Variants in LRRC28 observed in about 807,000 individuals in gnomAD.
The protein encoded by LRRC28 is leucine-rich repeat-containing protein 28.
LRRC28 carries 39 observed loss-of-function variants against 45.7 expected under a neutral mutation model. That is an observed-to-expected ratio of 0.85 (90% CI 0.66 to 1.12). The LOEUF is 1.12. LRRC28 is among the 50% of genes most tolerant of loss of function. LRRC28 has a pLI of 0.00. For missense variants in LRRC28, 435 were observed against 438.5 expected (o/e 0.99, Z 0.07); for synonymous variants, 206 against 178.8 (o/e 1.15, Z -1.22).
At position 99,255,913 on chromosome 15, in the gene LRRC28, G is replaced by C. The variant is rs761706102; in HGVS notation, c.-45G>C. ...CTCTTTATAGAAATGGACCAATTTT[G>C]ACAAGATATAGTGCTGCAGCGTGCC... On this transcript the variant is annotated 5_prime_UTR_variant, in exon 2 of 10. The change abolishes the stop of an existing upstream ORF in the 5' untranslated region. Coordinates refer to ENST00000301981, the MANE Select transcript of LRRC28 (RefSeq NM_144598.5). The C allele has an allele frequency of 9.8e-6, 15 of 1,534,484 alleles. No individual in the cohort carries two copies. The highest frequency in any genetic ancestry group is 1.2e-5 in the Non-Finnish European group (14 of 1,144,662).
intron 1 of LRRC28, among the ~76,000 whole-genome samples, chr15:99,253,533 G>T (rs954779114): frequency 6.6e-6 from 1 of 152,232 alleles, no homozygotes; most frequent in African/African-American, 2.4e-5. Flanking sequence ...GATTGGAAAA[G>T]CCCAGAAGCT....
chr15:99,258,557 G>T (rs1198344463), intron 2 of LRRC28: 1 of 736,814 alleles, frequency 1.4e-6, no homozygotes, highest in Non-Finnish European at 2.5e-6. Context: ...CTGCAGTAGA[G>T]GAAGAAGAAG....
chr15:99,329,061 C>A (rs1229103443), intron 5 of LRRC28, among the ~76,000 whole-genome samples: 1 of 152,080 alleles, frequency 6.6e-6, no homozygotes, highest in Non-Finnish European at 1.5e-5. Context: ...AACTCTAATA[C>A]AGATTTGGTA....
intron 5 of LRRC28, among the ~76,000 whole-genome samples, chr15:99,295,543 C>T (rs574076036): frequency 3.3e-5 from 5 of 152,252 alleles, no homozygotes; most frequent in East Asian, 1.9e-4. Flanking sequence ...CTTTAATACT[C>T]GAGAAATCTG....
At chr15:99,266,382 C>T (rs535599194) in intron 2 of LRRC28, among the ~76,000 whole-genome samples, 30 of 152,082 alleles carry the variant, frequency 2.0e-4, no homozygotes, top group Admixed American at 6.5e-4. Flanking sequence ...AGCCAGGCAT[C>T]GAGGCATACC....
chr15:99,299,130 T>C (rs1462758893), intron 5 of LRRC28, among the ~76,000 whole-genome samples: 1 of 152,260 alleles, frequency 6.6e-6, no homozygotes. Context: ...TGAAGAACTT[T>C]CAATTATTAA....
At chr15:99,380,901 G>A (rs939216894) in intron 9 of LRRC28, among the ~76,000 whole-genome samples, 9 of 152,118 alleles carry the variant, frequency 5.9e-5, no homozygotes, top group African/African-American at 1.7e-4. Context: ...GCTGAGATCC[G>A]CTGTTCGTCT....
intron 5 of LRRC28, among the ~76,000 whole-genome samples, chr15:99,329,043 CTT>C (rs1597357744): frequency 6.6e-6 from 1 of 152,048 alleles, no homozygotes; most frequent in Admixed American, 6.6e-5. Flanking sequence ...GGTTCTGTCT[CTT>C]TGAAAAACTC....
At chr15:99,370,251 C>G (rs1320461512) in intron 9 of LRRC28, among the ~76,000 whole-genome samples, 1 of 152,068 alleles carries the variant, frequency 6.6e-6, no homozygotes, top group African/African-American at 2.4e-5. Context: ...AGAGAAATCT[C>G]GAAATAAATA....
chr15:99,290,386 C>A (rs902264207), intron 5 of LRRC28, among the ~76,000 whole-genome samples: 2 of 151,924 alleles, frequency 1.3e-5, no homozygotes, highest in African/African-American at 4.8e-5. Flanking sequence ...AAATTTTTGA[C>A]ACAATACAGG....
chr15:99,348,470 C>T (rs1956765381), intron 6 of LRRC28, among the ~76,000 whole-genome samples: 1 of 152,014 alleles, frequency 6.6e-6, no homozygotes. Flanking sequence ...GATAAGGGTC[C>T]AATTTTATTC....
intron 2 of LRRC28, among the ~76,000 whole-genome samples, chr15:99,265,271 A>G (rs1458039645): frequency 6.6e-6 from 1 of 152,190 alleles, no homozygotes; most frequent in Non-Finnish European, 1.5e-5. Context: ...ATGCAGTACA[A>G]GTAGAGAGAG....
intron 6 of LRRC28, chr15:99,338,236 G>A (rs1956391330): frequency 6.6e-6 from 1 of 152,118 alleles, no homozygotes; most frequent in African/African-American, 2.4e-5. Context: ...TGTGGAAATT[G>A]AATTCAGTTC....
chr15:99,343,101 A>G (rs192268308), intron 6 of LRRC28, among the ~76,000 whole-genome samples: 1 of 152,240 alleles, frequency 6.6e-6, no homozygotes, highest in East Asian at 1.9e-4. Flanking sequence ...AAAGCATTGT[A>G]ATTATGACTA....
chr15:99,297,669 T>C (rs963773224), intron 5 of LRRC28, among the ~76,000 whole-genome samples: 2 of 151,160 alleles, frequency 1.3e-5, no homozygotes, highest in Non-Finnish European at 2.9e-5. Context: ...TAAATATACA[T>C]ATATTAATAA....
intron 2 of LRRC28, chr15:99,258,338 A>C: frequency 7.0e-7 from 1 of 1,424,002 alleles, no homozygotes; most frequent in East Asian, 2.3e-5. Flanking sequence ...AAGAGGAAAC[A>C]CTCTAGGACG....
At chr15:99,369,422 C>T (rs1957421832) in intron 9 of LRRC28, among the ~76,000 whole-genome samples, 1 of 152,156 alleles carries the variant, frequency 6.6e-6, no homozygotes, top group Non-Finnish European at 1.5e-5. Context: ...CACACAATTG[C>T]AAAGGCTGGC....
chr15:99,333,925 G>T lies in LRRC28; in HGVS notation c.388G>T (p.Val130Phe), dbSNP rs754088714. Reference sequence around the variant, plus strand: ...CCTAATTTTGATTTTGGTTGTAGAGGTTGGCGATTTGAAGGAGCTGCAGAC... The same window carrying T: ...CCTAATTTTGATTTTGGTTGTAGAGTTTGGCGATTTGAAGGAGCTGCAGAC... ...NNQLQFLPPE[V>F]GDLKELQTLD... Residue 130 changes from valine to phenylalanine, a missense_variant and splice_region_variant, in exon 6 of 10, where the codon GTT (valine) becomes TTT (phenylalanine). Val to Phe is a conservative substitution (Grantham distance 50). Coordinates refer to ENST00000301981, the MANE Select transcript of LRRC28 (RefSeq NM_144598.5). 2 of 1,613,816 alleles carry T rather than the reference G, an allele frequency of 1.2e-6. No homozygotes were observed. Among genetic ancestry groups the T allele is most frequent in the Admixed American group, 1.7e-5 (1 of 59,952 alleles).
chr15:99,369,878 G>A (rs7175111), intron 9 of LRRC28, among the ~76,000 whole-genome samples: 9,169 of 152,228 alleles, frequency 0.06, 913 homozygotes, highest in African/African-American at 0.21. Context: ...GCCATAACGG[G>A]TAGTACAGAG....
Sources: allele counts gnomAD v4.1 joint callset (sites outside exome capture counted in the v4.1 genomes callset), GRCh38; gene constraint gnomAD v4.1.1; transcripts MANE v1.5; gene names NCBI Gene and HGNC (gene_info 2026-07-23, HGNC 2026-07-21).